MISP: variants seen among roughly 807,000 people sequenced by gnomAD.
The protein encoded by MISP is mitotic spindle positioning.
Under a neutral mutation model 49.3 loss-of-function variants are expected in MISP, and 51 were observed. That is an observed-to-expected ratio of 1.03 (90% CI 0.83 to 1.31). The LOEUF (loss-of-function observed/expected upper bound fraction) is 1.31. Among genes scored for constraint, MISP ranks in the 50% most tolerant of loss-of-function variants. MISP has a pLI of 0.00. For missense variants in MISP, 1,084 were observed against 935.1 expected (o/e 1.16, Z -2.08); for synonymous variants, 444 against 392.6 (o/e 1.13, Z -1.55).
In MISP at chr19:760,006, T is replaced by C. The variant is rs1304832775; in HGVS notation, c.1878T>C (p.Ser626=). 2 of 1,613,994 alleles carry C rather than the reference T, an allele frequency of 1.2e-6. No individual in the cohort carries two copies. The highest frequency in any genetic ancestry group is 2.2e-5 in the East Asian group (1 of 44,866). Residue 626 remains serine, a synonymous_variant, in exon 3 of 5, where the codon AGT becomes AGC. Transcript: ENST00000215582. The part of the protein sequence containing the change: ...VAWTVEDPVD[S]APPGQRKKEQ... ...GGACAGTGGAAGATCCAGTGGACAG[T>C]GCTCCTCCCGGGCAGAGAAAGAAGG... is the stretch of plus-strand genomic sequence containing the variant.
In MISP at chr19:757,129, G is replaced by A; in HGVS notation, c.183G>A (p.Val61=). 1 of 1,613,306 alleles carries A rather than the reference G, an allele frequency of 6.2e-7. No individual in the cohort carries two copies. Among genetic ancestry groups the A allele is most frequent in the South Asian group, 1.1e-5 (1 of 91,076 alleles). ...CTGACCACAGGGCCCAGCAGGGCGT[G>A]CAGAGGCAGGGGGTGTCCTACAGCG... ...WPTDHRAQQG[V]QRQGVSYSVH... The change falls in exon 2 of 5, where the codon GTG becomes GTA. Residue 61 remains valine, a synonymous_variant. Transcript: ENST00000215582.
Position 757,286 on chromosome 19 carries a change from G to A in MISP, c.340G>A (p.Glu114Lys). The A allele has an allele frequency of 6.2e-7, 1 of 1,614,028 alleles. No homozygotes were observed. The highest frequency in any genetic ancestry group is 8.5e-7 in the Non-Finnish European group (1 of 1,179,988). ...ACGTCCAACATGGGCACTCCGCCCA[G>A]AGGACGGGGAGGACAAGGAGATGAA... The part of the protein sequence containing the change: ...QGRPTWALRP[E>K]DGEDKEMKTY... The change falls in exon 2 of 5, where the codon GAG becomes AAG. Residue 114 changes from glutamate to lysine, a missense_variant. Coordinates refer to ENST00000215582, the MANE Select transcript of MISP (RefSeq NM_173481.4).
rs543367056 is a variant in MISP at position 757,472 on chromosome 19, C to T, written c.526C>T (p.Pro176Ser). 6.3e-7 allele frequency: 1 copy of T among 1,595,544 alleles called. No homozygotes were observed. The highest frequency in any genetic ancestry group is 8.5e-7 in the Non-Finnish European group (1 of 1,171,854). The change falls in exon 2 of 5, where the codon CCT (proline) becomes TCT (serine). Residue 176 changes from proline to serine, a missense_variant. Transcript: ENST00000215582. ...CGGAGACCCCAGGACCCCCGGCCCA[C>T]CTCGGTCCACGCCCCTGGAGGAGAA... is the stretch of plus-strand genomic sequence containing the variant. ...DHGDPRTPGPPRSTPLEENVV... is the reference protein window; with the variant it reads ...DHGDPRTPGPSRSTPLEENVV...
rs1424532960 is a variant in MISP, at chr19:760,033, G to A, written c.1905G>A (p.Glu635=). Residue 635 remains glutamate, a synonymous_variant, in exon 3 of 5, where the codon GAG becomes GAA. Transcript: ENST00000215582. Reference sequence around the variant, plus strand: ...CTCCTCCCGGGCAGAGAAAGAAGGAGCAATGGGTGAGTCTGGAACCCGTCT... The same window carrying A: ...CTCCTCCCGGGCAGAGAAAGAAGGAACAATGGGTGAGTCTGGAACCCGTCT... ...DSAPPGQRKK[E]QWYAGINPSD... 10 of 1,613,782 alleles carry A rather than the reference G, an allele frequency of 6.2e-6. No individual in the cohort carries two copies. Among genetic ancestry groups the A allele is most frequent in the Non-Finnish European group, 8.5e-6 (10 of 1,179,812 alleles).
rs1233843976 is a variant in MISP at position 758,700 on chromosome 19, A to G, written c.1754A>G (p.Asn585Ser). The G allele has an allele frequency of 1.2e-6, 2 of 1,613,720 alleles. No homozygotes were observed. Among genetic ancestry groups the G allele is most frequent in the South Asian group, 2.2e-5 (2 of 91,048 alleles). Residue 585 changes from asparagine (N) to serine (S), a missense_variant, in exon 2 of 5, where the codon AAC becomes AGC. By Grantham distance (46) the Asn-to-Ser change is conservative (BLOSUM62 1). Coordinates refer to ENST00000215582, the MANE Select transcript of MISP (RefSeq NM_173481.4). ...SPTPDENSDQ[N>S]SRSSSQASGI... ...ACGCCAGATGAGAACTCTGACCAGA[A>G]CTCCAGGAGCTCCTCCCAGGCATCC...
upstream of MISP, among the ~76,000 whole-genome samples, chr19:749,125 G>A (rs565611921): frequency 3.9e-5 from 6 of 152,298 alleles, no homozygotes; most frequent in Admixed American, 2.6e-4. Context: ...GCGACAGAGC[G>A]AGACTCTGTC....
chr19:757,895 A>G lies in MISP; in HGVS notation c.949A>G (p.Thr317Ala), dbSNP rs2049215564. ...LREQRGLRQA[T>A]DHQELVEIPT... is the part of the protein sequence containing the mutation. ...AGAGCAGAGGGGGCTTCGGCAGGCA[A>G]CCGACCACCAGGAGCTGGTGGAAAT... The change falls in exon 2 of 5, where the codon ACC becomes GCC. Residue 317 changes from threonine to alanine, a missense_variant. Coordinates refer to ENST00000215582, the MANE Select transcript of MISP (RefSeq NM_173481.4). 1.2e-6 allele frequency: 2 copies of G among 1,604,856 alleles called. No homozygotes were observed. The highest frequency in any genetic ancestry group is 1.3e-5 in the African/African-American group (1 of 74,848).
At chr19:759,556 C>T (rs1486400824) in intron 2 of MISP, among the ~76,000 whole-genome samples, 4 of 152,038 alleles carry the variant, frequency 2.6e-5, no homozygotes, top group South Asian at 2.1e-4. Flanking sequence ...CCTGCCTCCA[C>T]GCCTGGCTAA....
In MISP at chr19:763,973, A is replaced by T. The variant is rs1427603113; in HGVS notation, c.*383A>T. Reference sequence around the variant, plus strand: ...GGACCGGTCAAAGAGGGTGGCACAGATCGCAGCACCTTGAGGGGCTGCGGG... The same window carrying T: ...GGACCGGTCAAAGAGGGTGGCACAGTTCGCAGCACCTTGAGGGGCTGCGGG... On this transcript the variant is annotated 3_prime_UTR_variant, in exon 5 of 5. Coordinates refer to ENST00000215582, the MANE Select transcript of MISP (RefSeq NM_173481.4). 1 of 179,330 alleles carries T rather than the reference A, an allele frequency of 5.6e-6. No homozygotes were observed. The highest frequency in any genetic ancestry group is 1.5e-4 in the East Asian group (1 of 6,586). The allele number at this position is 179,330 out of a possible 1,614,324, so 11.1% of individuals were successfully genotyped here.
At chr19:752,341 C>T (rs2033472829) in intron 1 of MISP, among the ~76,000 whole-genome samples, 1 of 152,066 alleles carries the variant, frequency 6.6e-6, no homozygotes. Flanking sequence ...TTGGCCGACA[C>T]AGTGAAACCC....
chr19:761,545 G>A, intron 3 of MISP, 80 bp from the exon 4 acceptor site: 1 of 1,513,866 alleles, frequency 6.6e-7, no homozygotes, highest in Non-Finnish European at 9.2e-7. Context: ...GTGACAGAGA[G>A]GGCTGTGTGG....
At chr19:763,308 T>A (rs1269696357) in intron 4 of MISP, among the ~76,000 whole-genome samples, 193 bp from the exon 5 acceptor site, 1 of 151,960 alleles carries the variant, frequency 6.6e-6, no homozygotes, top group African/African-American at 2.4e-5. Context: ...ATACAGACAT[T>A]TTTCCTGCCC....
At chr19:749,331 A>AC (rs1193392630), upstream of MISP, among the ~76,000 whole-genome samples, 2 of 151,622 alleles carry the variant, frequency 1.3e-5, no homozygotes, top group African/African-American at 4.9e-5. Flanking sequence ...TCCAGCCTAA[A>AC]CCCCCGCCAT....
chr19:760,300 A>G, intron 3 of MISP: 1 of 410,272 alleles, frequency 2.4e-6, no homozygotes, highest in Non-Finnish European at 4.4e-6. Context: ...TCAAAGACCA[A>G]AGGACCAACT....
chr19:763,707 AGCTC>A lies in MISP; in HGVS notation c.*118_*121del. The A allele has an allele frequency of 5.8e-6, 4 of 694,868 alleles. No individual in the cohort carries two copies. In the East Asian group the frequency reaches 1.1e-4, roughly 19 times the overall value. The allele number at this position is 694,868 out of a possible 1,614,324, so 43.0% of individuals were successfully genotyped here. A position where few individuals can be genotyped will look rare whatever the true frequency, so the allele number is the denominator to read the frequency against. ...CCTAGGTCCAGGATCCAAGAACCACAGCTCATCTGCCAACAATCCCACCATGGGC... is the reference window on the plus strand; with the variant it reads ...CCTAGGTCCAGGATCCAAGAACCACAATCTGCCAACAATCCCACCATGGGC... On this transcript the variant is annotated 3_prime_UTR_variant, in exon 5 of 5. Coordinates refer to ENST00000215582, the MANE Select transcript of MISP (RefSeq NM_173481.4).
intron 4 of MISP, among the ~76,000 whole-genome samples, chr19:762,158 T>G (rs2033683671): frequency 6.7e-6 from 1 of 150,246 alleles, no homozygotes; most frequent in Admixed American, 6.7e-5. Flanking sequence ...TTCACCGTGT[T>G]AGCCAGGATG....
At chr19:751,432 C>G (rs574164705) in intron 1 of MISP, among the ~76,000 whole-genome samples, 1 of 152,198 alleles carries the variant, frequency 6.6e-6, no homozygotes, top group Admixed American at 6.5e-5. Flanking sequence ...CTGAACTCTG[C>G]TGGGGCTTTT....
Position 757,053 on chromosome 19 carries a change from T to C in MISP, c.107T>C (p.Met36Thr), listed in dbSNP as rs2144958260. The stretch of plus-strand genomic sequence containing the variant: ...AGCTACACATACCATCTGGTGTGCA[T>C]GGGCCCCGAGGCCAGCGGCTGGGGC... ...DTSYTYHLVC[M>T]GPEASGWGQD... The change falls in exon 2 of 5, where the codon ATG (methionine) becomes ACG (threonine). Residue 36 changes from methionine to threonine, a missense_variant. Met to Thr is a moderately conservative substitution (Grantham distance 81, BLOSUM62 -1). Transcript: ENST00000215582. The C allele has an allele frequency of 6.2e-7, 1 of 1,610,344 alleles. No individual in the cohort carries two copies. Among genetic ancestry groups the C allele is most frequent in the Non-Finnish European group, 8.5e-7 (1 of 1,178,622 alleles).
chr19:760,021 G>A lies in MISP; in HGVS notation c.1893G>A (p.Gln631=). ...CAGTGGACAGTGCTCCTCCCGGGCA[G>A]AGAAAGAAGGAGCAATGGGTGAGTC... ...EDPVDSAPPG[Q]RKKEQWYAGI... Residue 631 remains glutamine, a synonymous_variant, in exon 3 of 5, where the codon CAG becomes CAA. Transcript: ENST00000215582. The A allele has an allele frequency of 6.2e-7, 1 of 1,613,938 alleles. No homozygotes were observed. The highest frequency in any genetic ancestry group is 1.1e-5 in the South Asian group (1 of 91,074).
Sources: gnomAD v4.1 joint callset for allele counts (sites outside exome capture counted in the v4.1 genomes callset) on GRCh38, gnomAD v4.1.1 for gene constraint, MANE v1.5 for transcripts, NCBI Gene and HGNC (gene_info 2026-07-23, HGNC 2026-07-21) for gene names.